The following SLC23A3 variants were observed in gnomAD, a reference collection of about 807,000 sequenced individuals.
SLC23A3 encodes solute carrier family 23 member 3, also known as E2-binding protein 3.
A neutral mutation model predicts 64.7 loss-of-function variants in SLC23A3; 41 were observed. The ratio of observed to expected loss-of-function variants is 0.63; its 90% confidence interval spans 0.49 to 0.82. SLC23A3 has a LOEUF of 0.82. Ranked by LOEUF, SLC23A3 falls within the 40% of genes least tolerant of loss-of-function variation. The pLI, the probability that SLC23A3 is intolerant of heterozygous loss-of-function variation, is 0.00. For synonymous variants in SLC23A3, 281 were observed against 306.8 expected (o/e 0.92, Z 0.88); for missense variants, 647 against 733.4 (o/e 0.88, Z 1.36).
At chr2:219,167,683 G>A (rs538332570) in intron 7 of SLC23A3, among the ~76,000 whole-genome samples, 1 of 151,454 alleles carries the variant, frequency 6.6e-6, no homozygotes, top group East Asian at 1.9e-4. Context: ...TTGAGGTTGC[G>A]TGAGCCATGA....
intron 5 of SLC23A3, 92 bp from the exon 6 acceptor site, chr2:219,168,410 G>A: frequency 7.1e-7 from 1 of 1,409,716 alleles, no homozygotes; most frequent in Non-Finnish European, 9.5e-7. Context: ...ATAAGAGCGG[G>A]GGGTGATACC....
intron 10 of SLC23A3, 93 bp downstream of exon 10, chr2:219,163,295 G>T: frequency 8.0e-7 from 1 of 1,250,688 alleles, no homozygotes. Context: ...TTACACCAAA[G>T]CCCAGAGAAG....
intron 7 of SLC23A3, among the ~76,000 whole-genome samples, chr2:219,166,523 T>G (rs1054856791): frequency 6.0e-5 from 9 of 150,776 alleles, no homozygotes; most frequent in African/African-American, 2.2e-4. Flanking sequence ...TTTTATTTAT[T>G]TTATTTTAAT....
At chr2:219,165,037 T>C in intron 8 of SLC23A3, 132 bp downstream of exon 8, 3 of 1,250,972 alleles carry the variant, frequency 2.4e-6, no homozygotes, top group Non-Finnish European at 3.3e-6. Context: ...AAGTCTAATC[T>C]TAGGCACCTC....
At chr2:219,162,480 G>T in intron 10 of SLC23A3, 86 bp from the exon 11 acceptor site, 1 of 917,398 alleles carries the variant, frequency 1.1e-6, no homozygotes, top group Non-Finnish European at 1.7e-6. Flanking sequence ...CTAAACCTAA[G>T]CCTTGGACTA....
At chr2:219,168,963 A>G in intron 4 of SLC23A3, 66 bp downstream of exon 4, 1 of 1,567,492 alleles carries the variant, frequency 6.4e-7, no homozygotes, top group South Asian at 1.1e-5. Flanking sequence ...GTCTGTGCAT[A>G]ATGGAAACAA....
In SLC23A3 at chr2:219,169,091, G is replaced by A. The variant is rs368301574; in HGVS notation, c.430C>T (p.Leu144=). Residue 144 remains leucine, a synonymous_variant, in exon 4 of 12, where the codon CTG becomes TTG. Transcript: ENST00000409878. This position sits in a 1 kb window ranked among gnomAD's most constrained non-coding sequence, Gnocchi z 4.5. ...CAGCTAGGTCCCCTACAAAGGTGCA[G>A]CATGAGGGAGGCTAGGAAAAGTTTG... ...IQTPGNSSLM[L]HLCRGPSCHG... is the part of the protein sequence containing the mutation. 13 of 1,614,004 alleles carry A rather than the reference G, an allele frequency of 8.1e-6. No individual in the cohort carries two copies. The African/African-American group carries it at 1.6e-4, about 20-fold the overall frequency.
chr2:219,168,668 A>C lies in SLC23A3; in HGVS notation c.658T>G (p.Trp220Gly). 1.9e-6 allele frequency: 3 copies of C among 1,613,366 alleles called. No individual in the cohort carries two copies. Among genetic ancestry groups the C allele is most frequent in the Non-Finnish European group, 1.7e-6 (2 of 1,179,758 alleles). Reference protein sequence around the residue: ...REVAQFCFTHWGLALLVILLM... With the variant: ...REVAQFCFTHGGLALLVILLM... ...CTCACGTACAGCAAGGCCAACCCCC[A>C]GTGTGTGAAGCAGAACTGGGCTACC... The change falls in exon 5 of 12, where the codon TGG (tryptophan) becomes GGG (glycine). Residue 220 changes from tryptophan (W) to glycine (G), a missense_variant. Physicochemically the swap from Trp to Gly is radical, Grantham distance 184 (BLOSUM62 -2). Transcript: ENST00000409878.
intron 6 of SLC23A3, 64 bp downstream of exon 6, chr2:219,168,131 G>A (rs1950022289): frequency 2.5e-6 from 4 of 1,592,356 alleles, no homozygotes; most frequent in Non-Finnish European, 2.6e-6. Flanking sequence ...AAAGGTAGGG[G>A]ATGGAGTGAG....
chr2:219,166,532 ATTTAT>A (rs1433402775), intron 7 of SLC23A3, among the ~76,000 whole-genome samples: 3 of 148,952 alleles, frequency 2.0e-5, no homozygotes, highest in African/African-American at 5.0e-5. Context: ...TTTTATTTTA[ATTTAT>A]TTTATTTTAT....
chr2:219,167,769 G>A (rs965381720), intron 7 of SLC23A3, among the ~76,000 whole-genome samples, 161 bp downstream of exon 7: 1 of 152,102 alleles, frequency 6.6e-6, no homozygotes, highest in Non-Finnish European at 1.5e-5. Context: ...CACCTACAGT[G>A]AGGGGCTAGC....
In SLC23A3 at chr2:219,169,120, C is replaced by T; in HGVS notation, c.419-18G>A. On this transcript the variant is annotated intron_variant, in intron 3 of 11. Transcript: ENST00000409878. This position sits in a 1 kb window ranked among gnomAD's most constrained non-coding sequence, Gnocchi z 4.5. Reference sequence around the variant, plus strand: ...GAGGGAGGCTAGGAAAAGTTTGGGGCATGGAGAAGAGAAGGGTGAATGGAA... The same window carrying T: ...GAGGGAGGCTAGGAAAAGTTTGGGGTATGGAGAAGAGAAGGGTGAATGGAA... The T allele has an allele frequency of 1.2e-6, 2 of 1,613,254 alleles. No homozygotes were observed. The highest frequency in any genetic ancestry group is 1.7e-6 in the Non-Finnish European group (2 of 1,179,238).
In SLC23A3 at chr2:219,161,928, C is replaced by T; in HGVS notation, c.1814G>A (p.Gly605Glu). 2 of 1,576,538 alleles carry T rather than the reference C, an allele frequency of 1.3e-6. No individual in the cohort carries two copies. Among genetic ancestry groups the T allele is most frequent in the South Asian group, 1.1e-5 (1 of 87,080 alleles). Residue 605 changes from glycine (G) to glutamate (E), a missense_variant, in exon 12 of 12, where the codon GGG (glycine) becomes GAG (glutamate). By Grantham distance (98) the Gly-to-Glu change is moderately conservative. Coordinates refer to ENST00000409878, the MANE Select transcript of SLC23A3 (RefSeq NM_001144889.2). ...GEPCPESSREGFRSQK is the reference protein window; with the variant it reads ...GEPCPESSREEFRSQK ...TTCTGGTCATTTCTGGGACCTAAAC[C>T]CTTCTCTGCTAGATTCAGGGCATGG... is the stretch of plus-strand genomic sequence containing the variant.
In SLC23A3 at chr2:219,163,370, C is replaced by T. The variant is rs764151624; in HGVS notation, c.1441+18G>A. 1.2e-6 allele frequency: 2 copies of T among 1,611,300 alleles called. No individual in the cohort carries two copies. Among genetic ancestry groups the T allele is most frequent in the South Asian group, 2.2e-5 (2 of 91,010 alleles). Reference sequence around the variant, plus strand: ...TTGCTTTCCTGCTACTGAGCAACGCCTCTTCCCTTCCACCTACCTGTGCTG... The same window carrying T: ...TTGCTTTCCTGCTACTGAGCAACGCTTCTTCCCTTCCACCTACCTGTGCTG... On this transcript the variant is annotated intron_variant, in intron 10 of 11. Coordinates refer to ENST00000409878, the MANE Select transcript of SLC23A3 (RefSeq NM_001144889.2).
chr2:219,168,544 C>T, intron 5 of SLC23A3, 108 bp downstream of exon 5: 1 of 1,202,852 alleles, frequency 8.3e-7, no homozygotes, highest in Non-Finnish European at 1.2e-6. Context: ...AAAATATGTC[C>T]CTATTCCAGT....
At position 219,169,273 on chromosome 2, in the gene SLC23A3, C is replaced by T; in HGVS notation, c.418+36G>A. On this transcript the variant is annotated intron_variant, in intron 3 of 11. Transcript: ENST00000409878. The surrounding 1 kb of genome is among the most constrained non-coding windows in gnomAD (Gnocchi z 4.5). ...CCTGCATGCTCAGATGAGAACCCAG[C>T]CCCACCCTTACCCCTTGCCCTTGCT... The T allele has an allele frequency of 6.2e-7, 1 of 1,613,936 alleles. No individual in the cohort carries two copies. Among genetic ancestry groups the T allele is most frequent in the Non-Finnish European group, 8.5e-7 (1 of 1,179,986 alleles).
Position 219,169,311 on chromosome 2 carries a change from T to A in SLC23A3, c.416A>T (p.Asn139Ile). The A allele has an allele frequency of 6.2e-7, 1 of 1,614,146 alleles. No individual in the cohort carries two copies. The highest frequency in any genetic ancestry group is 1.1e-5 in the South Asian group (1 of 91,080). The change falls in exon 3 of 12, where the codon AAC (asparagine) becomes ATC (isoleucine). Residue 139 changes from asparagine (N) to isoleucine (I), a missense_variant and splice_region_variant. By Grantham distance (149) the Asn-to-Ile change is moderately radical. Transcript: ENST00000409878. The surrounding 1 kb of genome is among the most constrained non-coding windows in gnomAD (Gnocchi z 4.5). ...CCTTGCCCTTGCTCTGTGCTCACAG[T>A]TTCCAGGTGTCTGGATGGCCCGGGG... ...KLPRAIQTPGNSSLMLHLCRG... is the reference protein window; with the variant it reads ...KLPRAIQTPGISSLMLHLCRG...
At position 219,169,532 on chromosome 2, in the gene SLC23A3, C is replaced by G; in HGVS notation, c.309G>C (p.Trp103Cys). 6.2e-7 allele frequency: 1 copy of G among 1,614,126 alleles called. No individual in the cohort carries two copies. Among genetic ancestry groups the G allele is most frequent in the Non-Finnish European group, 8.5e-7 (1 of 1,180,016 alleles). The stretch of plus-strand genomic sequence containing the variant: ...GAGGTTCCTCTCACCTGCTGCCCAT[C>G]CAAGTTTGCAGGATGGTAGACATAC... ...SCGMSTILQTWMGSRLPLVQA... is the reference protein window; with the variant it reads ...SCGMSTILQTCMGSRLPLVQA... Residue 103 changes from tryptophan to cysteine, a missense_variant, in exon 2 of 12, where the codon TGG becomes TGC. Trp to Cys is a radical substitution (Grantham distance 215). Transcript: ENST00000409878. This position sits in a 1 kb window ranked among gnomAD's most constrained non-coding sequence, Gnocchi z 4.5.
At chr2:219,163,223 T>C (rs1949967464) in intron 10 of SLC23A3, among the ~76,000 whole-genome samples, 165 bp downstream of exon 10, 1 of 152,240 alleles carries the variant, frequency 6.6e-6, no homozygotes, top group African/African-American at 2.4e-5. Flanking sequence ...GAAGGCATCT[T>C]TGTATTCCAA....
Sources: allele counts gnomAD v4.1 joint callset (sites outside exome capture counted in the v4.1 genomes callset), GRCh38; gene constraint gnomAD v4.1.1; non-coding constraint Gnocchi (gnomAD v3.1); transcripts MANE v1.5; gene names NCBI Gene and HGNC (gene_info 2026-07-23, HGNC 2026-07-21).